Variants in SCFD2 observed in about 807,000 individuals in gnomAD.
SCFD2 encodes sec1 family domain-containing protein 2.
SCFD2 carries 54 observed loss-of-function variants against 58.9 expected under a neutral mutation model. The observed-to-expected ratio is 0.92, with a 90% CI of 0.74 to 1.15. SCFD2 has a LOEUF of 1.15. SCFD2 is among the 50% of genes most tolerant of loss of function. The probability of loss-of-function intolerance (pLI) is 0.00; values close to 1 mark genes in which losing one functional copy is unlikely to be tolerated. For missense variants in SCFD2, 805 were observed against 836.6 expected (o/e 0.96, Z 0.47); for synonymous variants, 321 against 335.9 (o/e 0.96, Z 0.49).
At chr4:53,128,509 C>T (rs1246722478) in intron 5 of SCFD2, among the ~76,000 whole-genome samples, 3 of 151,868 alleles carry the variant, frequency 2.0e-5, no homozygotes, top group Non-Finnish European at 2.9e-5. Context: ...GTGCAGCCTC[C>T]CAAGGTGACC....
At chr4:53,339,864 T>A (rs1733808590) in intron 2 of SCFD2, among the ~76,000 whole-genome samples, 1 of 151,784 alleles carries the variant, frequency 6.6e-6, no homozygotes, top group South Asian at 2.1e-4. Context: ...AAGAAACACA[T>A]AAATGAAAAA....
intron 5 of SCFD2, among the ~76,000 whole-genome samples, chr4:53,020,706 T>C (rs1280240048): frequency 6.6e-6 from 1 of 152,182 alleles, no homozygotes; most frequent in Non-Finnish European, 1.5e-5. Flanking sequence ...GGAAGGATCA[T>C]GTGACTGACC....
At chr4:53,320,323 A>G (rs560951523) in intron 2 of SCFD2, among the ~76,000 whole-genome samples, 118 of 152,342 alleles carry the variant, frequency 7.7e-4, no homozygotes, top group African/African-American at 2.7e-3. Flanking sequence ...AGCTATATTT[A>G]TAAGGTTTCC....
At chr4:53,162,915 G>C (rs1040731875) in intron 4 of SCFD2, among the ~76,000 whole-genome samples, 11 of 152,116 alleles carry the variant, frequency 7.2e-5, no homozygotes, top group Admixed American at 5.9e-4. Context: ...CTGTAGAAAT[G>C]AGGGCAGTTA....
At chr4:52,976,058 G>T (rs1721254069) in intron 5 of SCFD2, among the ~76,000 whole-genome samples, 1 of 151,148 alleles carries the variant, frequency 6.6e-6, no homozygotes, top group Non-Finnish European at 1.5e-5. Flanking sequence ...AGTATTAGGA[G>T]ATATACCTAA....
intron 5 of SCFD2, among the ~76,000 whole-genome samples, chr4:53,138,191 A>G (rs1726000850): frequency 6.6e-6 from 1 of 152,170 alleles, no homozygotes; most frequent in South Asian, 2.1e-4. Context: ...ACATCATTTT[A>G]TTCTCAGCAA....
At chr4:53,140,076 G>T (rs1015328768) in intron 5 of SCFD2, among the ~76,000 whole-genome samples, 1 of 151,534 alleles carries the variant, frequency 6.6e-6, no homozygotes, top group Non-Finnish European at 1.5e-5. Context: ...TGCGGAAGGC[G>T]GCAGGGCCCT....
chr4:53,065,669 T>TA (rs1202962753), intron 5 of SCFD2, among the ~76,000 whole-genome samples: 1 of 152,084 alleles, frequency 6.6e-6, no homozygotes, highest in Non-Finnish European at 1.5e-5. Flanking sequence ...TTTTATCTTA[T>TA]AAAAAAATGA....
At chr4:53,352,010 T>C (rs952029287) in intron 2 of SCFD2, among the ~76,000 whole-genome samples, 1 of 152,224 alleles carries the variant, frequency 6.6e-6, no homozygotes, top group East Asian at 1.9e-4. Context: ...AAGAGAATTG[T>C]TAATGAAGGA....
intron 4 of SCFD2, among the ~76,000 whole-genome samples, chr4:53,236,865 A>C (rs1027799920): frequency 4.0e-5 from 6 of 149,108 alleles, no homozygotes; most frequent in Non-Finnish European, 8.9e-5. Flanking sequence ...TTTTATTGAT[A>C]ATTCTTGGGT....
At chr4:53,201,707 G>GA (rs1232179305) in intron 4 of SCFD2, among the ~76,000 whole-genome samples, 1 of 152,152 alleles carries the variant, frequency 6.6e-6, no homozygotes, top group Non-Finnish European at 1.5e-5. Context: ...ACTTTTTGAT[G>GA]ATTGCCATTC....
rs374691551 is a variant in SCFD2, at chr4:52,873,962, C to T, written c.*7G>A. 36 of 1,608,184 alleles carry T rather than the reference C, an allele frequency of 2.2e-5. No homozygotes were observed. In the Admixed American group the frequency reaches 2.8e-4, roughly 13 times the overall value. The stretch of plus-strand genomic sequence containing the variant: ...GCTTGAGTAGGTCTTATCTTCTTAG[C>T]GGATGCTCAGAAGCCAAGGTCTGGA... On this transcript the variant is annotated 3_prime_UTR_variant, in exon 9 of 9. Transcript: ENST00000401642.
intron 5 of SCFD2, among the ~76,000 whole-genome samples, chr4:52,980,087 C>A (rs768806897): frequency 5.3e-5 from 8 of 152,194 alleles, no homozygotes; most frequent in Non-Finnish European, 1.2e-4. Flanking sequence ...TTGCCACCTG[C>A]CTTCCTTCAT....
intron 3 of SCFD2, among the ~76,000 whole-genome samples, chr4:53,297,623 G>T (rs562767967): frequency 6.6e-6 from 1 of 152,272 alleles, no homozygotes; most frequent in South Asian, 2.1e-4. Context: ...GCCAGTCTGT[G>T]TCTTTTAATT....
At chr4:52,878,905 C>G (rs1718541395) in intron 8 of SCFD2, among the ~76,000 whole-genome samples, 1 of 152,164 alleles carries the variant, frequency 6.6e-6, no homozygotes, top group Admixed American at 6.5e-5. Flanking sequence ...TACATAGAAC[C>G]TAAACCTGGT....
intron 5 of SCFD2, among the ~76,000 whole-genome samples, chr4:53,090,154 G>A (rs192672596): frequency 3.8e-4 from 58 of 152,260 alleles, no homozygotes; most frequent in African/African-American, 1.3e-3. Context: ...AATCCCCAGG[G>A]ACATTGCAAA....
In SCFD2 at chr4:53,110,071, C is replaced by T. The variant is rs533997531; in HGVS notation, c.1561+35262G>A. Among the ~76,000 whole-genome samples, 170 of 92,658 alleles carry T rather than the reference C, an allele frequency of 1.8e-3. 1 individual carries two copies. The Middle Eastern group carries it at 0.051, about 28-fold the overall frequency. The allele number at this position is 92,658 out of a possible 152,430, so 60.8% of individuals were successfully genotyped here. The stretch of plus-strand genomic sequence containing the variant: ...AGAACAGAACAGAACAGAACAGAGG[C>T]CTCAGAAATAACACGACACACCTAC... On this transcript the variant is annotated intron_variant, in intron 5 of 8. Transcript: ENST00000401642.
chr4:52,977,431 C>G (rs1721280362), intron 5 of SCFD2, among the ~76,000 whole-genome samples: 1 of 152,054 alleles, frequency 6.6e-6, no homozygotes, highest in African/African-American at 2.4e-5. Flanking sequence ...TACTCCTTTC[C>G]TGTAGGCAAG....
At chr4:52,953,402 T>C (rs1403454878) in intron 5 of SCFD2, among the ~76,000 whole-genome samples, 1 of 152,164 alleles carries the variant, frequency 6.6e-6, no homozygotes, top group Non-Finnish European at 1.5e-5. Context: ...CTCTACTATG[T>C]CTACAAGATA....
Sources: gnomAD v4.1 joint callset for allele counts (sites outside exome capture counted in the v4.1 genomes callset) on GRCh38, gnomAD v4.1.1 for gene constraint, MANE v1.5 for transcripts, NCBI Gene and HGNC (gene_info 2026-07-23, HGNC 2026-07-21) for gene names.